The following DRC11 variants were observed in gnomAD, a reference collection of about 807,000 sequenced individuals.
The protein encoded by DRC11 is dynein regulatory complex subunit 11.
At chr2:236,336,778 C>A in the DRC11 span, among the ~76,000 whole-genome samples, 3 of 152,170 alleles carry the variant, frequency 2.0e-5, no homozygotes, top group Non-Finnish European at 4.4e-5. This position sits in a 1 kb window ranked among gnomAD's most constrained non-coding sequence, Gnocchi z 7.3. Flanking sequence ...CACCGCTCCC[C>A]GCCAGTGCAG....
At chr2:236,311,967 C>T in the DRC11 span, among the ~76,000 whole-genome samples, 1 of 151,560 alleles carries the variant, frequency 6.6e-6, no homozygotes, top group African/African-American at 2.4e-5. This position sits in a 1 kb window ranked among gnomAD's most constrained non-coding sequence, Gnocchi z 6.9. Flanking sequence ...GGTGATGTGT[C>T]CCTTCACTTT....
chr2:236,338,367 G>A, the DRC11 span: 1 of 1,613,132 alleles, frequency 6.2e-7, no homozygotes, highest in Admixed American at 1.7e-5. Flanking sequence ...TGTTTTTTCA[G>A]GCGTTTAGGT....
chr2:236,335,247 T>C, the DRC11 span, among the ~76,000 whole-genome samples: 2 of 152,154 alleles, frequency 1.3e-5, no homozygotes, highest in Non-Finnish European at 2.9e-5. The surrounding 1 kb of genome is among the most constrained non-coding windows in gnomAD (Gnocchi z 5.6). Flanking sequence ...CTACTTTTGA[T>C]AGCTGCAAAG....
the DRC11 span, chr2:236,368,464 T>C: frequency 1.7e-6 from 1 of 585,540 alleles, no homozygotes; most frequent in Non-Finnish European, 3.0e-6. Context: ...TTTTCTCAGA[T>C]AAAGGTTTGA....
the DRC11 span, among the ~76,000 whole-genome samples, chr2:236,377,664 A>G: frequency 2.6e-5 from 4 of 152,368 alleles, no homozygotes; most frequent in Admixed American, 2.6e-4. This position sits in a 1 kb window ranked among gnomAD's most constrained non-coding sequence, Gnocchi z 4.9. Flanking sequence ...AAAGACTTAT[A>G]CTGAAGATAA....
At chr2:236,461,820 A>G in the DRC11 span, among the ~76,000 whole-genome samples, 2 of 152,184 alleles carry the variant, frequency 1.3e-5, no homozygotes, top group Non-Finnish European at 2.9e-5. The surrounding 1 kb of genome is among the most constrained non-coding windows in gnomAD (Gnocchi z 4.0). Context: ...TCCAGTTTGC[A>G]TTCCTAATCA....
chr2:236,498,286 T>A, the DRC11 span, among the ~76,000 whole-genome samples: 7 of 147,310 alleles, frequency 4.8e-5, no homozygotes, highest in African/African-American at 1.8e-4. Flanking sequence ...GCCAACCCCG[T>A]CTCTACTAAA....
At chr2:236,453,734 G>T in the DRC11 span, among the ~76,000 whole-genome samples, 3 of 152,028 alleles carry the variant, frequency 2.0e-5, no homozygotes, top group Non-Finnish European at 4.4e-5. The surrounding 1 kb of genome is among the most constrained non-coding windows in gnomAD (Gnocchi z 4.9). Context: ...CCACCTCCTG[G>T]GTTCAAGTGA....
At chr2:236,343,838 T>C in the DRC11 span, 1 of 937,532 alleles carries the variant, frequency 1.1e-6, no homozygotes, top group Non-Finnish European at 1.5e-6. This position sits in a 1 kb window ranked among gnomAD's most constrained non-coding sequence, Gnocchi z 6.6. Context: ...TCAAGGCTCA[T>C]TTGGGGAAGA....
At chr2:236,384,101 T>C in the DRC11 span, among the ~76,000 whole-genome samples, 2 of 151,994 alleles carry the variant, frequency 1.3e-5, no homozygotes, top group Non-Finnish European at 2.9e-5. Flanking sequence ...TCTTTGCTAT[T>C]GTGAATAATG....
At chr2:236,341,637 G>A in the DRC11 span, among the ~76,000 whole-genome samples, 1 of 152,202 alleles carries the variant, frequency 6.6e-6, no homozygotes, top group Non-Finnish European at 1.5e-5. Flanking sequence ...AGTGGCCCCA[G>A]GGCTCAGAGG....
chr2:236,382,522 C>A, the DRC11 span, among the ~76,000 whole-genome samples: 1 of 152,146 alleles, frequency 6.6e-6, no homozygotes, highest in Non-Finnish European at 1.5e-5. Flanking sequence ...TTAATCCTAT[C>A]CTATAAAAAT....
the DRC11 span, chr2:236,399,353 T>C: frequency 7.4e-7 from 1 of 1,352,960 alleles, no homozygotes; most frequent in East Asian, 2.3e-5. The surrounding 1 kb of genome is among the most constrained non-coding windows in gnomAD (Gnocchi z 7.0). Context: ...CAGCCTCCCG[T>C]GATGGGGTTC....
chr2:236,331,374 T>C, the DRC11 span: 3 of 1,612,866 alleles, frequency 1.9e-6, no homozygotes, highest in Middle Eastern at 3.3e-4. This position sits in a 1 kb window ranked among gnomAD's most constrained non-coding sequence, Gnocchi z 4.8. Flanking sequence ...AGCTCTCTTC[T>C]TCCTCTTTGT....
chr2:236,397,863 C>A, the DRC11 span, among the ~76,000 whole-genome samples: 5 of 152,342 alleles, frequency 3.3e-5, no homozygotes, highest in Non-Finnish European at 5.9e-5. This position sits in a 1 kb window ranked among gnomAD's most constrained non-coding sequence, Gnocchi z 5.0. Flanking sequence ...CCACTGTAAT[C>A]CCCAACATAT....
At chr2:236,494,012 GAA>G in the DRC11 span, 5 of 696,812 alleles carry the variant, frequency 7.2e-6, no homozygotes, top group Admixed American at 4.2e-5. This position sits in a 1 kb window ranked among gnomAD's most constrained non-coding sequence, Gnocchi z 4.2. Context: ...TTTCATTTAA[GAA>G]AAAAAAAATG....
the DRC11 span, among the ~76,000 whole-genome samples, chr2:236,369,408 A>G: frequency 6.6e-6 from 1 of 152,240 alleles, no homozygotes; most frequent in Non-Finnish European, 1.5e-5. This position sits in a 1 kb window ranked among gnomAD's most constrained non-coding sequence, Gnocchi z 4.5. Flanking sequence ...GAAAGCATCT[A>G]TTATGGCTTC....
At chr2:236,401,006 G>C in the DRC11 span, among the ~76,000 whole-genome samples, 7 of 152,108 alleles carry the variant, frequency 4.6e-5, no homozygotes, top group African/African-American at 1.4e-4. The surrounding 1 kb of genome is among the most constrained non-coding windows in gnomAD (Gnocchi z 4.6). Flanking sequence ...GCTGGAAGGG[G>C]TCTGCAGCAG....
At chr2:236,419,404 ACCCCTTC>A in the DRC11 span, 12 of 1,359,620 alleles carry the variant, frequency 8.8e-6, no homozygotes, top group Non-Finnish European at 1.1e-5. The surrounding 1 kb of genome is among the most constrained non-coding windows in gnomAD (Gnocchi z 4.8). Flanking sequence ...CTGCAGGCCG[ACCCCTTC>A]TGGGGCATGG....
Sources: gnomAD v4.1 joint callset for allele counts (sites outside exome capture counted in the v4.1 genomes callset) on GRCh38, gnomAD v4.1.1 for gene constraint, Gnocchi (gnomAD v3.1) non-coding constraint, MANE v1.5 for transcripts, NCBI Gene and HGNC (gene_info 2026-07-23, HGNC 2026-07-21) for gene names.